ANKS1B: variants seen among roughly 807,000 people sequenced by gnomAD.
The protein encoded by ANKS1B is ankyrin repeat and sterile alpha motif domain-containing protein 1B.
In ANKS1B, 36 loss-of-function variants were observed where a neutral mutation model predicts 148.3. The observed-to-expected ratio is 0.24, with a 90% CI of 0.19 to 0.32. The LOEUF is 0.32. ANKS1B is among the 10% of genes least tolerant of loss of function. ANKS1B has a pLI of 1.00. For synonymous variants in ANKS1B, 542 were observed against 560.8 expected, an observed-to-expected ratio of 0.97 and a Z score of 0.47; for missense variants, 1,157 against 1,542.6, an observed-to-expected ratio of 0.75 and a Z score of 4.19.
At chr12:99,565,223 G>A (rs1247770726) in intron 9 of ANKS1B, among the ~76,000 whole-genome samples, 1 of 152,158 alleles carries the variant, frequency 6.6e-6, no homozygotes, top group Non-Finnish European at 1.5e-5. Context: ...GCAAGAAATA[G>A]AGGACATAGT....
intron 11 of ANKS1B, among the ~76,000 whole-genome samples, chr12:99,437,487 G>A (rs918567201): frequency 1.3e-5 from 2 of 151,732 alleles, no homozygotes; most frequent in African/African-American, 2.4e-5. Context: ...CTTGTCTGTG[G>A]TATTGTGCCA....
intron 1 of ANKS1B, among the ~76,000 whole-genome samples, chr12:99,874,724 C>T (rs1281807644): frequency 5.3e-5 from 8 of 152,154 alleles, no homozygotes; most frequent in Admixed American, 2.6e-4. Flanking sequence ...TCCAGACAGG[C>T]CTGGTGTCAA....
At chr12:99,928,367 T>G (rs954110422) in intron 1 of ANKS1B, among the ~76,000 whole-genome samples, 1 of 149,710 alleles carries the variant, frequency 6.7e-6, no homozygotes, top group African/African-American at 2.5e-5. Flanking sequence ...CAAGCTCCGC[T>G]TCCCGGGTTC....
In ANKS1B at chr12:99,244,347, G is replaced by A. The variant is rs552586924; in HGVS notation, c.2414C>T (p.Thr805Ile). 6.2e-7 allele frequency: 1 copy of A among 1,603,812 alleles called. No individual in the cohort carries two copies. The highest frequency in any genetic ancestry group is 8.5e-7 in the Non-Finnish European group (1 of 1,175,116). The change falls in exon 14 of 27, where the codon ACC (threonine) becomes ATC (isoleucine). Residue 805 changes from threonine (T) to isoleucine (I), a missense_variant. By Grantham distance (89) the Thr-to-Ile change is moderately conservative. Coordinates refer to ENST00000683438, the MANE Select transcript of ANKS1B (RefSeq NM_001352186.2). ...GTAGAGGAAGGTTGCCTTACTTGTG[G>A]TCTCACCATTCATCTCTTTAAGTTC... ...NNELKEMNGE[T>I]TRPRCPVQTV...
intron 12 of ANKS1B, among the ~76,000 whole-genome samples, chr12:99,276,120 A>G (rs1000602550): frequency 6.6e-6 from 1 of 152,214 alleles, no homozygotes; most frequent in Admixed American, 6.5e-5. Flanking sequence ...TTACTCTGTT[A>G]GATTTTACTG....
At chr12:98,873,197 T>C (rs1349159959) in intron 17 of ANKS1B, among the ~76,000 whole-genome samples, 2 of 152,176 alleles carry the variant, frequency 1.3e-5, no homozygotes, top group Admixed American at 6.5e-5. Flanking sequence ...CATGTTAGAA[T>C]TGCTTCCATT....
chr12:99,187,818 A>G (rs1044092650), intron 14 of ANKS1B, among the ~76,000 whole-genome samples: 2 of 152,226 alleles, frequency 1.3e-5, no homozygotes, highest in East Asian at 3.9e-4. Context: ...CATCATAATG[A>G]CAGGATCAAA....
intron 17 of ANKS1B, among the ~76,000 whole-genome samples, chr12:98,995,702 T>G (rs1199670382): frequency 6.6e-6 from 1 of 152,224 alleles, no homozygotes; most frequent in Non-Finnish European, 1.5e-5. Flanking sequence ...GACATTGGAC[T>G]TCATGGAATG....
At chr12:99,768,978 G>GC (rs1236813714) in intron 8 of ANKS1B, among the ~76,000 whole-genome samples, 4 of 151,112 alleles carry the variant, frequency 2.6e-5, no homozygotes, top group Admixed American at 2.6e-4. Flanking sequence ...TTCATCTTGG[G>GC]CTTCTCGGAC....
chr12:98,858,332 G>A (rs1207591625), intron 17 of ANKS1B, among the ~76,000 whole-genome samples: 1 of 152,202 alleles, frequency 6.6e-6, no homozygotes, highest in African/African-American at 2.4e-5. Flanking sequence ...GAATGTAAGA[G>A]AGGCTTCTTT....
intron 14 of ANKS1B, among the ~76,000 whole-genome samples, chr12:99,202,400 A>G (rs1000366968): frequency 6.6e-6 from 1 of 152,212 alleles, no homozygotes; most frequent in East Asian, 1.9e-4. Context: ...CACATTGGCT[A>G]CTTCACAGAA....
At chr12:99,836,193 T>G (rs2084825480) in intron 1 of ANKS1B, among the ~76,000 whole-genome samples, 1 of 152,138 alleles carries the variant, frequency 6.6e-6, no homozygotes. Context: ...AAATAAAGTT[T>G]CATCGAAACA....
intron 11 of ANKS1B, among the ~76,000 whole-genome samples, chr12:99,433,267 A>AT (rs983173035): frequency 4.6e-5 from 7 of 152,176 alleles, no homozygotes; most frequent in Non-Finnish European, 5.9e-5. Context: ...TAATATTTAT[A>AT]TAAAAACTAA....
At chr12:99,741,263 C>T (rs946090888) in intron 8 of ANKS1B, among the ~76,000 whole-genome samples, 2 of 145,998 alleles carry the variant, frequency 1.4e-5, no homozygotes, top group Non-Finnish European at 1.5e-5. Flanking sequence ...ACAACAGATG[C>T]TGGAGAGGAT....
chr12:98,931,529 C>T (rs1567851312), intron 17 of ANKS1B, among the ~76,000 whole-genome samples: 1 of 152,188 alleles, frequency 6.6e-6, no homozygotes, highest in Non-Finnish European at 1.5e-5. Flanking sequence ...TTTCTGTACA[C>T]TTCAAAGGTA....
intron 12 of ANKS1B, among the ~76,000 whole-genome samples, chr12:99,388,189 A>G (rs1323797379): frequency 6.6e-6 from 1 of 152,238 alleles, no homozygotes; most frequent in Non-Finnish European, 1.5e-5. Context: ...CAAGTCCTGG[A>G]GGTGGGAAGC....
intron 8 of ANKS1B, among the ~76,000 whole-genome samples, chr12:99,667,786 A>G (rs964963602): frequency 2.0e-5 from 3 of 152,238 alleles, no homozygotes; most frequent in Non-Finnish European, 4.4e-5. Context: ...ATGCTTTTCT[A>G]CAATGACTGA....
At chr12:99,603,237 G>A (rs2097820818) in intron 9 of ANKS1B, among the ~76,000 whole-genome samples, 1 of 151,988 alleles carries the variant, frequency 6.6e-6, no homozygotes, top group Non-Finnish European at 1.5e-5. Flanking sequence ...TTTCAATTAG[G>A]AATCTCAGAT....
At position 98,744,177 on chromosome 12, in the gene ANKS1B, A is replaced by G. The variant is rs2097833024; in HGVS notation, c.*1562T>C. 1 of 984,770 alleles carries G rather than the reference A, an allele frequency of 1.0e-6. No individual in the cohort carries two copies. The highest frequency in any genetic ancestry group is 1.2e-6 in the Non-Finnish European group (1 of 829,034). 61.0% of individuals were successfully genotyped at this position (984,770 alleles called of 1,614,324 possible). A position where few individuals can be genotyped will look rare whatever the true frequency, so the allele number is the denominator to read the frequency against. ...ATTTAACTCTCATTTTGCTACATAC[A>G]TATCAACAGTGAATAGGCAAAATAT... On this transcript the variant is annotated 3_prime_UTR_variant, in exon 27 of 27. Transcript: ENST00000683438.
Sources: allele counts gnomAD v4.1 joint callset (sites outside exome capture counted in the v4.1 genomes callset), GRCh38; gene constraint gnomAD v4.1.1; transcripts MANE v1.5; gene names NCBI Gene and HGNC (gene_info 2026-07-23, HGNC 2026-07-21).